The following RLF variants were observed in gnomAD, a reference collection of about 807,000 sequenced individuals.
RLF encodes zinc finger protein Rlf.
Under a neutral mutation model 162.9 loss-of-function variants are expected in RLF, and 7 were observed. That is an observed-to-expected ratio of 0.04 (90% CI 0.02 to 0.08). The LOEUF (loss-of-function observed/expected upper bound fraction) is 0.08, where lower values mean the gene tolerates loss of function less well. Ranked by LOEUF, RLF falls within the 10% of genes least tolerant of loss-of-function variation. RLF has a pLI of 1.00. For missense variants in RLF, 1,664 were observed against 2,244.7 expected (o/e 0.74, Z 5.23); for synonymous variants, 782 against 791.5 (o/e 0.99, Z 0.20).
chr1:40,218,768 A>G (rs1379769805), intron 5 of RLF, among the ~76,000 whole-genome samples: 1 of 152,152 alleles, frequency 6.6e-6, no homozygotes, highest in Non-Finnish European at 1.5e-5. Context: ...ATTCTAACAA[A>G]TAGTTATTGA....
At chr1:40,233,160 G>A (rs1643174557) in intron 7 of RLF, among the ~76,000 whole-genome samples, 1 of 151,238 alleles carries the variant, frequency 6.6e-6, no homozygotes, top group African/African-American at 2.4e-5. Flanking sequence ...GCAACAGTAT[G>A]CCAAGTCACT....
At chr1:40,195,488 T>G (rs1246792506) in intron 3 of RLF, 144 bp from the exon 4 acceptor site, 5 of 610,964 alleles carry the variant, frequency 8.2e-6, no homozygotes, top group Non-Finnish European at 1.3e-5. Context: ...TTCACAAGGC[T>G]TTGAGTATAG....
At position 40,235,773 on chromosome 1, in the gene RLF, T is replaced by A. The variant is rs1643209790; in HGVS notation, c.1090-19T>A. The A allele has an allele frequency of 6.8e-7, 1 of 1,477,828 alleles. No homozygotes were observed. Among genetic ancestry groups the A allele is most frequent in the Non-Finnish European group, 9.0e-7 (1 of 1,113,176 alleles). 91.5% of individuals were successfully genotyped at this position (1,477,828 alleles called of 1,614,324 possible). A position where few individuals can be genotyped will look rare whatever the true frequency, so the allele number is the denominator to read the frequency against. On this transcript the variant is annotated intron_variant, in intron 7 of 7. Transcript: ENST00000372771. ...TCTGTATGCAAAAAAATAATTTTTT[T>A]ATCCTCTTTTACTTACAGGCACAAG... is the stretch of plus-strand genomic sequence containing the variant.
intron 1 of RLF, among the ~76,000 whole-genome samples, chr1:40,180,068 A>ACTTCTT (rs1642386145): frequency 6.6e-6 from 1 of 152,138 alleles, no homozygotes; most frequent in African/African-American, 2.4e-5. Context: ...ATACCTCTTC[A>ACTTCTT]AGATCTGCTG....
intron 3 of RLF, among the ~76,000 whole-genome samples, chr1:40,193,249 A>G (rs1253110047): frequency 1.3e-5 from 2 of 152,186 alleles, no homozygotes; most frequent in Non-Finnish European, 2.9e-5. Context: ...TTATTCTTGA[A>G]ATGCTACCAT....
chr1:40,238,560 G>A lies in RLF; in HGVS notation c.3858G>A (p.Glu1286=). The change falls in exon 8 of 8, where the codon GAG becomes GAA. Residue 1286 remains glutamate, a synonymous_variant. Coordinates refer to ENST00000372771, the MANE Select transcript of RLF (RefSeq NM_012421.4). The surrounding 1 kb of genome is among the most constrained non-coding windows in gnomAD (Gnocchi z 5.2). ...ATAGAGAAGAACAAGAAGGAAGAGA[G>A]GGCAGAGGTAGCAGGCGAACTGTTG... is the stretch of plus-strand genomic sequence containing the variant. ...GSHREEQEGR[E]GRGSRRTVAK... 1 of 1,613,812 alleles carries A rather than the reference G, an allele frequency of 6.2e-7. No homozygotes were observed. The highest frequency in any genetic ancestry group is 1.6e-4 in the Middle Eastern group (1 of 6,062).
At chr1:40,205,120 A>G (rs1240389403) in intron 5 of RLF, among the ~76,000 whole-genome samples, 1 of 152,042 alleles carries the variant, frequency 6.6e-6, no homozygotes, top group Admixed American at 6.5e-5. Context: ...TAACCACCCC[A>G]TTGGCATTTA....
At chr1:40,224,101 CCTT>C (rs1267798946) in intron 6 of RLF, among the ~76,000 whole-genome samples, 3 of 152,046 alleles carry the variant, frequency 2.0e-5, no homozygotes, top group Admixed American at 1.3e-4. Context: ...ATTTTTCTCC[CCTT>C]CTTCAGTCAG....
In RLF at chr1:40,238,867, C is replaced by A; in HGVS notation, c.4165C>A (p.Leu1389Ile). 1 of 1,614,184 alleles carries A rather than the reference C, an allele frequency of 6.2e-7. No homozygotes were observed. Among genetic ancestry groups the A allele is most frequent in the Non-Finnish European group, 8.5e-7 (1 of 1,180,012 alleles). The change falls in exon 8 of 8, where the codon CTA becomes ATA. Residue 1389 changes from leucine to isoleucine, a missense_variant. This residue lies in a region of RLF where 200 missense variants were observed against 207.3 expected (regional missense o/e 0.96). Transcript: ENST00000372771. The surrounding 1 kb of genome is among the most constrained non-coding windows in gnomAD (Gnocchi z 5.2). ...TAAGCACTGTAGTGATTCTCATAAC[C>A]TAGACCATATTGAAGAGCCTAAAGT... ...LAKHCSDSHN[L>I]DHIEEPKVLS...
intron 6 of RLF, among the ~76,000 whole-genome samples, chr1:40,230,699 C>G (rs558162938): frequency 1.6e-4 from 24 of 152,252 alleles, no homozygotes; most frequent in African/African-American, 5.8e-4. Context: ...TCCCAAAATG[C>G]TAGGATTACA....
chr1:40,172,981 A>G (rs1391022001), intron 1 of RLF, among the ~76,000 whole-genome samples: 1 of 152,036 alleles, frequency 6.6e-6, no homozygotes, highest in African/African-American at 2.4e-5. Flanking sequence ...ATCCTTGCCA[A>G]TGCTTGTATT....
chr1:40,228,413 G>A (rs185877415), intron 6 of RLF, among the ~76,000 whole-genome samples: 23 of 150,940 alleles, frequency 1.5e-4, no homozygotes, highest in Admixed American at 1.1e-3. Flanking sequence ...GCGAAACCCC[G>A]TCTCTAAAAA....
chr1:40,185,517 T>TAAAA (rs769379758), intron 1 of RLF, among the ~76,000 whole-genome samples: 984 of 23,752 alleles, frequency 0.041, 331 homozygotes, highest in Middle Eastern at 0.083. Flanking sequence ...AATCTTGCAT[T>TAAAA]AAAAAAAAAA....
intron 3 of RLF, among the ~76,000 whole-genome samples, chr1:40,194,502 T>C (rs1041547039): frequency 1.3e-5 from 2 of 150,754 alleles, no homozygotes; most frequent in East Asian, 3.9e-4. Flanking sequence ...TAGCCAGGCG[T>C]GGTGGCAGGC....
Position 40,236,236 on chromosome 1 carries a change from A to C in RLF, c.1534A>C (p.Ser512Arg), listed in dbSNP as rs1241155590. ...CACAGATGTTTTAGAGTCATTTCTC[A>C]GTGACTATGATGAGGGTAAAGAAGA... ...NDTDVLESFL[S>R]DYDEGKEDKQ... Residue 512 changes from serine (S) to arginine (R), a missense_variant, in exon 8 of 8, where the codon AGT becomes CGT. Coordinates refer to ENST00000372771, the MANE Select transcript of RLF (RefSeq NM_012421.4). This position sits in a 1 kb window ranked among gnomAD's most constrained non-coding sequence, Gnocchi z 7.7. 1.2e-6 allele frequency: 2 copies of C among 1,613,962 alleles called. No individual in the cohort carries two copies. The highest frequency in any genetic ancestry group is 4.5e-5 in the East Asian group (2 of 44,878).
intron 1 of RLF, among the ~76,000 whole-genome samples, chr1:40,185,858 A>C (rs1283173976): frequency 1.1e-4 from 17 of 148,102 alleles, no homozygotes; most frequent in Non-Finnish European, 1.9e-4. Context: ...AAAAAAAAAA[A>C]AAAAAAACCA....
At chr1:40,182,657 C>G (rs181668988) in intron 1 of RLF, among the ~76,000 whole-genome samples, 1 of 151,740 alleles carries the variant, frequency 6.6e-6, no homozygotes, top group African/African-American at 2.4e-5. Context: ...GTGGCAGAAT[C>G]GGTATCTAAA....
Position 40,238,662 on chromosome 1 carries a change from A to G in RLF, c.3960A>G (p.Ser1320=). The G allele has an allele frequency of 5.6e-6, 9 of 1,613,518 alleles. No individual in the cohort carries two copies. The highest frequency in any genetic ancestry group is 7.6e-6 in the Non-Finnish European group (9 of 1,179,686). Reference sequence around the variant, plus strand: ...GTATTCATAAAACTTGCAACTCCTCATTCACCAATCTAAAAGGCTTAATTC... The same window carrying G: ...GTATTCATAAAACTTGCAACTCCTCGTTCACCAATCTAAAAGGCTTAATTC... ...FHCIHKTCNS[S]FTNLKGLIRH... Residue 1320 remains serine (S), a synonymous_variant, in exon 8 of 8, where the codon TCA becomes TCG. Transcript: ENST00000372771. The surrounding 1 kb of genome is among the most constrained non-coding windows in gnomAD (Gnocchi z 5.2).
chr1:40,173,368 G>A (rs757130094), intron 1 of RLF, among the ~76,000 whole-genome samples: 22 of 151,922 alleles, frequency 1.4e-4, no homozygotes, highest in Non-Finnish European at 2.5e-4. Context: ...GAGCCACCAC[G>A]CCTGGCCTAC....
Sources: gnomAD v4.1 joint callset for allele counts (sites outside exome capture counted in the v4.1 genomes callset) on GRCh38, gnomAD v4.1.1 for gene constraint, gnomAD v4.1.1 regional missense constraint, Gnocchi (gnomAD v3.1) non-coding constraint, MANE v1.5 for transcripts, NCBI Gene and HGNC (gene_info 2026-07-23, HGNC 2026-07-21) for gene names.